Variants in SEMA6D observed in about 807,000 individuals in gnomAD.
The protein encoded by SEMA6D is semaphorin 6D, also known as semaphorin-6D.
A neutral mutation model predicts 106.6 loss-of-function variants in SEMA6D; 35 were observed. The ratio of observed to expected loss-of-function variants is 0.33; its 90% CI spans 0.25 to 0.44. The LOEUF (loss-of-function observed/expected upper bound fraction) is 0.44, where lower values mean the gene tolerates loss of function less well. SEMA6D is among the 20% of genes least tolerant of loss of function. SEMA6D has a pLI of 1.00. For synonymous variants in SEMA6D, 499 were observed against 487.7 expected (o/e 1.02, Z -0.31); for missense variants, 1,185 against 1,345.9 (o/e 0.88, Z 1.87).
At chr15:47,306,441 G>A (rs2036236589) in intron 1 of SEMA6D, among the ~76,000 whole-genome samples, 1 of 152,132 alleles carries the variant, frequency 6.6e-6, no homozygotes, top group South Asian at 2.1e-4. Context: ...TAAGTTGATG[G>A]CCAGGCATGG....
At chr15:47,607,156 GTA>G (rs1430807453) in intron 4 of SEMA6D, among the ~76,000 whole-genome samples, 2 of 152,162 alleles carry the variant, frequency 1.3e-5, no homozygotes, top group Non-Finnish European at 2.9e-5. Context: ...AATATGTTTA[GTA>G]GATTTGTAGA....
chr15:47,591,279 G>A (rs917892968), intron 3 of SEMA6D, among the ~76,000 whole-genome samples: 1 of 152,156 alleles, frequency 6.6e-6, no homozygotes, highest in Admixed American at 6.6e-5. Context: ...CACACCTCCT[G>A]AAGTCCCCAC....
intron 1 of SEMA6D, among the ~76,000 whole-genome samples, chr15:47,207,906 C>G (rs182376910): frequency 6.8e-4 from 103 of 151,612 alleles, no homozygotes; most frequent in African/African-American, 2.5e-3. Context: ...TGGTACTTCA[C>G]CAGGTTGGGA....
intron 2 of SEMA6D, among the ~76,000 whole-genome samples, chr15:47,424,381 AAATT>A (rs1260213388): frequency 2.6e-5 from 4 of 152,104 alleles, no homozygotes; most frequent in South Asian, 2.1e-4. Context: ...TGAAAAGAAA[AAATT>A]AATTGTGCTT....
At chr15:47,361,155 G>T (rs2038789301) in intron 1 of SEMA6D, among the ~76,000 whole-genome samples, 1 of 152,164 alleles carries the variant, frequency 6.6e-6, no homozygotes, top group African/African-American at 2.4e-5. Context: ...TAGGAGCCCA[G>T]AGCCTGTCAG....
chr15:47,306,670 G>A (rs1261182818), intron 1 of SEMA6D, among the ~76,000 whole-genome samples: 1 of 152,186 alleles, frequency 6.6e-6, no homozygotes, highest in African/African-American at 2.4e-5. Context: ...AGCCAAGATC[G>A]TGCCACTGCA....
intron 1 of SEMA6D, among the ~76,000 whole-genome samples, chr15:47,325,365 G>A (rs28612667): frequency 0.014 from 2,115 of 152,112 alleles, 29 homozygotes; most frequent in Non-Finnish European, 0.019. Context: ...TAGAGACGAG[G>A]TTTGGTCATG....
At chr15:47,565,714 A>T (rs1347472) in intron 3 of SEMA6D, among the ~76,000 whole-genome samples, 9,134 of 152,284 alleles carry the variant, frequency 0.06, 311 homozygotes, top group South Asian at 0.089. Context: ...AGTACATAAC[A>T]TATTGTCCTC....
intron 3 of SEMA6D, among the ~76,000 whole-genome samples, chr15:47,578,484 T>C (rs917626292): frequency 1.3e-5 from 2 of 152,222 alleles, no homozygotes; most frequent in South Asian, 4.1e-4. Context: ...CTCTGAAAGA[T>C]CTCAGCTAAA....
intron 4 of SEMA6D, among the ~76,000 whole-genome samples, chr15:47,678,733 G>T (rs1050785850): frequency 6.6e-6 from 1 of 151,420 alleles, no homozygotes; most frequent in Non-Finnish European, 1.5e-5. Context: ...TCCTTTCTAT[G>T]TGTTGGGCTC....
chr15:47,660,908 A>G (rs73392855), intron 4 of SEMA6D, among the ~76,000 whole-genome samples: 236 of 152,310 alleles, frequency 1.5e-3, no homozygotes, highest in African/African-American at 5.4e-3. Flanking sequence ...TTTCTTAATA[A>G]AGTTAGGTTT....
intron 4 of SEMA6D, among the ~76,000 whole-genome samples, chr15:47,651,317 T>A (rs1344275682): frequency 2.6e-5 from 4 of 151,936 alleles, no homozygotes; most frequent in African/African-American, 7.3e-5. Context: ...AGTGGGAGGA[T>A]CACTTGAGCC....
chr15:47,226,360 T>C (rs2031666327), intron 1 of SEMA6D, among the ~76,000 whole-genome samples: 1 of 152,054 alleles, frequency 6.6e-6, no homozygotes, highest in South Asian at 2.1e-4. Context: ...TACTTTGTTA[T>C]GGAAGACCTA....
intron 2 of SEMA6D, among the ~76,000 whole-genome samples, chr15:47,463,472 G>T (rs2042571897): frequency 2.6e-5 from 4 of 152,242 alleles, no homozygotes; most frequent in Middle Eastern, 6.8e-3. Context: ...AGGAAAATAG[G>T]CTCAAACGCC....
chr15:47,728,693 T>G (rs2079922450), intron 1 of SEMA6D, among the ~76,000 whole-genome samples: 1 of 152,212 alleles, frequency 6.6e-6, no homozygotes, highest in Admixed American at 6.5e-5. Flanking sequence ...TGAGCTAAAA[T>G]CCAGATAGCA....
intron 1 of SEMA6D, among the ~76,000 whole-genome samples, chr15:47,365,632 G>A (rs1168339250): frequency 6.6e-6 from 1 of 151,802 alleles, no homozygotes. Flanking sequence ...AGGCCGAGGT[G>A]GGTGGATCAC....
At chr15:47,298,001 C>T (rs904799736) in intron 1 of SEMA6D, among the ~76,000 whole-genome samples, 5 of 152,114 alleles carry the variant, frequency 3.3e-5, no homozygotes, top group African/African-American at 1.2e-4. Context: ...ACATTCTGAT[C>T]CTTATAGCCT....
chr15:47,467,395 C>T lies in SEMA6D; in HGVS notation c.-158-3079C>T, dbSNP rs1011172015. ...TAAAGTAATTATGATGTAAACATGT[C>T]GGTATTAATGCTAATGCTTGCTAGA... is the stretch of plus-strand genomic sequence containing the variant. On this transcript the variant is annotated intron_variant, in intron 2 of 19. Transcript: ENST00000558014. Among the ~76,000 whole-genome samples, 26 of 152,066 alleles carry T rather than the reference C, an allele frequency of 1.7e-4. 1 individual carries two copies. The highest frequency in any genetic ancestry group is 3.6e-4 in the African/African-American group (15 of 41,398).
chr15:47,432,453 T>A (rs1014067210), intron 2 of SEMA6D, among the ~76,000 whole-genome samples: 2 of 151,754 alleles, frequency 1.3e-5, no homozygotes, highest in African/African-American at 4.8e-5. Context: ...CCTGTTTCTC[T>A]TTTTCTTTCC....
Sources: allele counts gnomAD v4.1 joint callset (sites outside exome capture counted in the v4.1 genomes callset), GRCh38; gene constraint gnomAD v4.1.1; transcripts MANE v1.5; gene names NCBI Gene and HGNC (gene_info 2026-07-23, HGNC 2026-07-21).